The following RALB variants were observed in gnomAD, a reference collection of about 807,000 sequenced individuals.
The protein encoded by RALB is ras-related protein Ral-B.
In RALB, 16 loss-of-function variants were observed where a neutral mutation model predicts 21.3. The ratio of observed to expected loss-of-function variants is 0.75; its 90% CI spans 0.51 to 1.14. RALB has a LOEUF of 1.14. Ranked by LOEUF, RALB falls within the 50% of genes most tolerant of loss-of-function variation. The pLI is 0.00. For missense variants in RALB, 161 were observed against 256.2 expected, an observed-to-expected ratio of 0.63 and a Z score of 2.54; for synonymous variants, 93 against 96.1, an observed-to-expected ratio of 0.97 and a Z score of 0.19.
intron 1 of RALB, among the ~76,000 whole-genome samples, chr2:120,275,647 T>G (rs1003768421): frequency 6.6e-6 from 1 of 151,998 alleles, no homozygotes; most frequent in African/African-American, 2.4e-5. Context: ...GTGTGTGTGT[T>G]GTGTGTGTTT....
chr2:120,272,771 C>G (rs555641878), intron 1 of RALB, among the ~76,000 whole-genome samples: 1 of 152,078 alleles, frequency 6.6e-6, no homozygotes, highest in Non-Finnish European at 1.5e-5. Flanking sequence ...CGATGTCCCT[C>G]CAGGAAATTT....
At chr2:120,268,699 G>A (rs1689566457) in intron 1 of RALB, among the ~76,000 whole-genome samples, 1 of 152,190 alleles carries the variant, frequency 6.6e-6, no homozygotes, top group Non-Finnish European at 1.5e-5. Flanking sequence ...GATCCACTCA[G>A]TGTTCAGATT....
chr2:120,278,614 G>A lies in RALB; in HGVS notation c.-47-4G>A. 6.7e-7 allele frequency: 1 copy of A among 1,487,104 alleles called. No homozygotes were observed. The highest frequency in any genetic ancestry group is 9.0e-7 in the Non-Finnish European group (1 of 1,116,086). 92.1% of individuals were successfully genotyped at this position (1,487,104 alleles called of 1,614,324 possible). On this transcript the variant is annotated splice_polypyrimidine_tract_variant and splice_region_variant and intron_variant, in intron 1 of 4. Transcript: ENST00000272519. ...CTCTAAGTCTTTGTCTTTGTCATCA[G>A]CAGCTCTTCAGTGGGTCATCTGTGT... is the stretch of plus-strand genomic sequence containing the variant.
At chr2:120,291,870 T>C (rs2104669149) in intron 4 of RALB, among the ~76,000 whole-genome samples, 1 of 152,230 alleles carries the variant, frequency 6.6e-6, no homozygotes, top group East Asian at 1.9e-4. Context: ...TAAATGCATG[T>C]GGAGCCCCAC....
intron 1 of RALB, among the ~76,000 whole-genome samples, chr2:120,254,840 T>G (rs2104578774): frequency 6.6e-6 from 1 of 152,222 alleles, no homozygotes; most frequent in South Asian, 2.1e-4. Flanking sequence ...CATGCCAAGC[T>G]AATTTTTGTA....
At chr2:120,258,918 C>A (rs1028430291) in intron 1 of RALB, among the ~76,000 whole-genome samples, 6 of 151,970 alleles carry the variant, frequency 3.9e-5, no homozygotes, top group African/African-American at 1.5e-4. Flanking sequence ...TCTGTCCCTT[C>A]TGATGTTCAG....
intron 1 of RALB, chr2:120,240,274 C>A: frequency 1.9e-6 from 1 of 525,472 alleles, no homozygotes; most frequent in African/African-American, 2.5e-5. Flanking sequence ...GGAGCTGCTA[C>A]TTTTTTATTT....
chr2:120,284,746 CA>C (rs967401704), intron 2 of RALB, among the ~76,000 whole-genome samples: 10 of 58,266 alleles, frequency 1.7e-4, no homozygotes, highest in South Asian at 4.2e-4. Context: ...TTCATCACTC[CA>C]AAAAAAACCA....
In RALB at chr2:120,263,579, A is replaced by T. The variant is rs530110362; in HGVS notation, c.-48+10599A>T. On this transcript the variant is annotated intron_variant, in intron 1 of 4. Coordinates refer to ENST00000272519, the MANE Select transcript of RALB (RefSeq NM_002881.3). ...CCTCCTGTATTTCATTTTATTTTTGAGACGAAGTCTCGCTCTGTCACCCAG... is the reference window on the plus strand; with the variant it reads ...CCTCCTGTATTTCATTTTATTTTTGTGACGAAGTCTCGCTCTGTCACCCAG... Among the ~76,000 whole-genome samples the T allele has an allele frequency of 4.1e-5, 6 of 145,712 alleles. No homozygotes were observed. In the East Asian group the frequency reaches 1.3e-3, roughly 31 times the overall value.
At chr2:120,269,745 C>T (rs1217215851) in intron 1 of RALB, among the ~76,000 whole-genome samples, 2 of 152,140 alleles carry the variant, frequency 1.3e-5, no homozygotes, top group Admixed American at 6.5e-5. Flanking sequence ...GCAAGAATTC[C>T]CCATTGATGG....
chr2:120,270,219 C>A (rs1050414754), intron 1 of RALB, among the ~76,000 whole-genome samples: 4 of 151,962 alleles, frequency 2.6e-5, no homozygotes, highest in Non-Finnish European at 4.4e-5. Context: ...ATTATTTTCC[C>A]GTTTTTTAGC....
chr2:120,254,874 C>T (rs993078212), intron 1 of RALB, among the ~76,000 whole-genome samples: 4 of 152,138 alleles, frequency 2.6e-5, no homozygotes, highest in African/African-American at 9.7e-5. Context: ...TGGGGTTTCA[C>T]CATGTTGCCC....
chr2:120,260,569 A>G (rs1385456466), intron 1 of RALB, among the ~76,000 whole-genome samples: 2 of 152,170 alleles, frequency 1.3e-5, no homozygotes, highest in Non-Finnish European at 2.9e-5. Context: ...AGCTCCGAGA[A>G]GTGCTGACAT....
At chr2:120,260,920 T>A (rs2104592923) in intron 1 of RALB, among the ~76,000 whole-genome samples, 1 of 152,282 alleles carries the variant, frequency 6.6e-6, no homozygotes, top group African/African-American at 2.4e-5. Context: ...TTGGAATGGT[T>A]TCCGTAAATA....
rs186935666 is a variant in RALB at position 120,291,635 on chromosome 2, G to T, written c.502-1506G>T. On this transcript the variant is annotated intron_variant, in intron 4 of 4. Coordinates refer to ENST00000272519, the MANE Select transcript of RALB (RefSeq NM_002881.3). ...TTCTATGAAAGGTGTGATAAGATCA[G>T]CCCATGAACAACTTTGTCATCATTT... Among the ~76,000 whole-genome samples the T allele has an allele frequency of 5.9e-5, 9 of 152,322 alleles. No individual in the cohort carries two copies. In the East Asian group the frequency reaches 1.7e-3, roughly 29 times the overall value.
chr2:120,278,809 T>G (rs12711939), intron 2 of RALB, 31 bp downstream of exon 2: 999,869 of 1,472,378 alleles, frequency 0.68, 343,329 homozygotes, highest in African/African-American at 0.79. Flanking sequence ...ACCACCTTCC[T>G]TTGGCATTGG....
chr2:120,270,916 A>G (rs1451749988), intron 1 of RALB, among the ~76,000 whole-genome samples: 20 of 152,186 alleles, frequency 1.3e-4, no homozygotes, highest in Non-Finnish European at 2.4e-4. Flanking sequence ...GGTGACCTTC[A>G]GTTCATACTG....
intron 1 of RALB, among the ~76,000 whole-genome samples, chr2:120,259,841 A>G (rs1400711791): frequency 2.0e-5 from 3 of 152,208 alleles, no homozygotes; most frequent in Admixed American, 6.5e-5. Flanking sequence ...ACAGGAGCCC[A>G]TGGAGTGGGT....
chr2:120,271,795 C>T (rs1201408893), intron 1 of RALB, among the ~76,000 whole-genome samples: 2 of 152,160 alleles, frequency 1.3e-5, no homozygotes, highest in African/African-American at 4.8e-5. Flanking sequence ...TCCATTATAT[C>T]TTGTACCATC....
Sources: allele counts gnomAD v4.1 joint callset (sites outside exome capture counted in the v4.1 genomes callset), GRCh38; gene constraint gnomAD v4.1.1; transcripts MANE v1.5; gene names NCBI Gene and HGNC (gene_info 2026-07-23, HGNC 2026-07-21).